The following UCHL1 variants were observed in gnomAD, a reference collection of about 807,000 sequenced individuals.
UCHL1 encodes ubiquitin carboxyl-terminal hydrolase isozyme L1.
Under a neutral mutation model 33.3 loss-of-function variants are expected in UCHL1, and 5 were observed. The observed-to-expected ratio is 0.15, with a 90% CI of 0.08 to 0.32. The LOEUF is 0.32. Among genes scored for constraint, UCHL1 ranks in the 10% least tolerant of loss-of-function variants. The pLI, the probability that UCHL1 is intolerant of heterozygous loss-of-function variation, is 1.00. For synonymous variants in UCHL1, 132 were observed against 108.8 expected (o/e 1.21, Z -1.33); for missense variants, 236 against 280.0 (o/e 0.84, Z 1.12).
Position 41,263,284 on chromosome 4 carries a change from T to C in UCHL1, c.519T>C (p.Tyr173=), listed in dbSNP as rs374340108. 2.9e-5 allele frequency: 47 copies of C among 1,613,980 alleles called. No homozygotes were observed. Among genetic ancestry groups the C allele is most frequent in the Non-Finnish European group, 3.8e-5 (45 of 1,179,960 alleles). ...TTAACAACGTGGATGGCCACCTCTA[T>C]GAACTTGGTATGTTTTACTCCATTT... The part of the protein sequence containing the change: ...ILFNNVDGHL[Y]ELDGRMPFPV... The change falls in exon 7 of 9, where the codon TAT becomes TAC. Residue 173 remains tyrosine (Y), a synonymous_variant. Transcript: ENST00000284440.
In UCHL1 at chr4:41,268,197, ACGCCTT is replaced by A. The variant is rs1348051630; in HGVS notation, c.*126_*131del. ...ACAGCTGTTCTTCTGTTCTGCAGAC[ACGCCTT>A]CCCCTCAGCCACACCCAGGCACTTA... On this transcript the variant is annotated 3_prime_UTR_variant, in exon 9 of 9. Coordinates refer to ENST00000284440, the MANE Select transcript of UCHL1 (RefSeq NM_004181.5). 5.3e-6 allele frequency: 5 copies of A among 941,928 alleles called. No individual in the cohort carries two copies. In the Admixed American group the frequency reaches 1.0e-4, roughly 19 times the overall value. 58.3% of individuals were successfully genotyped at this position (941,928 alleles called of 1,614,324 possible).
At chr4:41,267,839 TGC>T in intron 8 of UCHL1, 146 bp from the exon 9 acceptor site, 8 of 726,298 alleles carry the variant, frequency 1.1e-5, no homozygotes, top group Admixed American at 6.3e-5. Flanking sequence ...CCTGATTTTT[TGC>T]TTTAAGCCCT....
rs1425512539 is a variant in UCHL1 at position 41,260,667 on chromosome 4, G to A, written c.195G>A (p.Lys65=). Residue 65 remains lysine (K), a synonymous_variant, in exon 4 of 9, where the codon AAG becomes AAA. Transcript: ENST00000284440. ...CGCAGCATGAGAACTTCAGGAAAAA[G>A]CAGATTGAAGAGCTGAAGGGACAAG... The part of the protein sequence containing the change: ...LTAQHENFRK[K]QIEELKGQEV... 3.1e-6 allele frequency: 5 copies of A among 1,614,118 alleles called. No individual in the cohort carries two copies. The Admixed American group carries it at 5.0e-5, about 16-fold the overall frequency.
rs80031415 is a variant in UCHL1, at chr4:41,261,582, C to T, written c.326-133C>T. The T allele has an allele frequency of 1.3e-3, 1,189 of 930,746 alleles. 8 individuals carry two copies. In the African/African-American group the frequency reaches 0.017, roughly 13 times the overall value. The allele number at this position is 930,746 out of a possible 1,614,324, so 57.7% of individuals were successfully genotyped here. A position where few individuals can be genotyped will look rare whatever the true frequency, so the allele number is the denominator to read the frequency against. On this transcript the variant is annotated intron_variant, in intron 4 of 8. Coordinates refer to ENST00000284440, the MANE Select transcript of UCHL1 (RefSeq NM_004181.5). ...AAAGAGGCTAGGGGAAAAGGTACAGCTCATCCACAACCCTGGAGGCAGTAT... is the reference window on the plus strand; with the variant it reads ...AAAGAGGCTAGGGGAAAAGGTACAGTTCATCCACAACCCTGGAGGCAGTAT...
intron 8 of UCHL1, among the ~76,000 whole-genome samples, chr4:41,267,306 CG>C (rs1235171731): frequency 6.6e-6 from 1 of 152,046 alleles, no homozygotes; most frequent in African/African-American, 2.4e-5. Context: ...TGTAGTGGCG[CG>C]ATCTCGCCTC....
At chr4:41,264,995 T>C (rs1243290238) in intron 8 of UCHL1, among the ~76,000 whole-genome samples, 2 of 152,236 alleles carry the variant, frequency 1.3e-5, no homozygotes, top group Admixed American at 1.3e-4. Context: ...AGGCTTTGTA[T>C]GGCATATGGC....
intron 8 of UCHL1, chr4:41,264,523 A>C (rs1019532619): frequency 2.8e-6 from 1 of 350,896 alleles, no homozygotes; most frequent in African/African-American, 2.1e-5. Flanking sequence ...AATCCCTCTA[A>C]GACAACGGGA....
chr4:41,266,766 C>T (rs1781161248), intron 8 of UCHL1, among the ~76,000 whole-genome samples: 1 of 152,074 alleles, frequency 6.6e-6, no homozygotes, highest in African/African-American at 2.4e-5. Context: ...ACTAGAAGCG[C>T]ACACCACCAT....
intron 6 of UCHL1, 135 bp downstream of exon 6, chr4:41,262,058 CA>C: frequency 7.9e-7 from 1 of 1,270,268 alleles, no homozygotes; most frequent in Non-Finnish European, 1.1e-6. Context: ...AAGTTCTACC[CA>C]AATAATGCTT....
At chr4:41,257,070 G>T (rs1780986534) in intron 1 of UCHL1, 45 bp from the exon 2 acceptor site, 1 of 1,614,124 alleles carries the variant, frequency 6.2e-7, no homozygotes, top group Non-Finnish European at 8.5e-7. Flanking sequence ...GAGCCGAGTC[G>T]CTGATCGGTT....
chr4:41,268,091 T>G lies in UCHL1; in HGVS notation c.*18T>G, dbSNP rs974642727. On this transcript the variant is annotated 3_prime_UTR_variant, in exon 9 of 9. Coordinates refer to ENST00000284440, the MANE Select transcript of UCHL1 (RefSeq NM_004181.5). ...CAGCCTAATGCTCTGTGGGAGGGAC[T>G]TTGCTGATTTCCCCTCTTCCCTTCA... is the stretch of plus-strand genomic sequence containing the variant. 6.2e-7 allele frequency: 1 copy of G among 1,609,220 alleles called. No homozygotes were observed. Among genetic ancestry groups the G allele is most frequent in the Non-Finnish European group, 8.5e-7 (1 of 1,176,946 alleles).
intron 2 of UCHL1, chr4:41,257,335 G>C: frequency 5.2e-6 from 5 of 964,278 alleles, no homozygotes; most frequent in Non-Finnish European, 7.4e-6. Flanking sequence ...GGAGGGGGCT[G>C]CGCCCCGTGG....
chr4:41,263,075 C>A (rs1312877491), intron 6 of UCHL1, 150 bp from the exon 7 acceptor site: 3 of 681,332 alleles, frequency 4.4e-6, no homozygotes, highest in Non-Finnish European at 7.9e-6. Context: ...CCTTAGTGGG[C>A]TTAGAATAGG....
intron 8 of UCHL1, among the ~76,000 whole-genome samples, chr4:41,265,568 G>A (rs949304084): frequency 1.3e-5 from 2 of 150,458 alleles, no homozygotes; most frequent in Non-Finnish European, 3.0e-5. Flanking sequence ...AACAGAGCAA[G>A]ACTCTGTCTC....
chr4:41,262,013 C>T (rs1465979994), intron 6 of UCHL1, 90 bp downstream of exon 6: 1 of 1,537,354 alleles, frequency 6.5e-7, no homozygotes, highest in African/African-American at 1.4e-5. Context: ...TGGAACACAG[C>T]AAATGTTATC....
intron 7 of UCHL1, 120 bp from the exon 8 acceptor site, chr4:41,263,983 T>C (rs1781114237): frequency 1.5e-6 from 2 of 1,298,314 alleles, no homozygotes; most frequent in Non-Finnish European, 2.2e-6. Flanking sequence ...ATAACCAGGC[T>C]TCCTTCTGTG....
At chr4:41,257,476 C>G in intron 2 of UCHL1, 133 bp from the exon 3 acceptor site, 1 of 1,219,062 alleles carries the variant, frequency 8.2e-7, no homozygotes, top group Non-Finnish European at 1.1e-6. Flanking sequence ...GTGGGGGTGG[C>G]AGGGCGGGAC....
Position 41,264,152 on chromosome 4 carries a change from C to G in UCHL1, c.576C>G (p.Thr192=), listed in dbSNP as rs776936367. Residue 192 remains threonine, a synonymous_variant, in exon 8 of 9, where the codon ACC becomes ACG. Coordinates refer to ENST00000284440, the MANE Select transcript of UCHL1 (RefSeq NM_004181.5). ...ACCATGGCGCCAGTTCAGAGGACAC[C>G]CTGCTGAAGGTCATCTTTGGAATGC... ...PVNHGASSED[T]LLKDAAKVCR... 3 of 1,614,142 alleles carry G rather than the reference C, an allele frequency of 1.9e-6. No individual in the cohort carries two copies. The highest frequency in any genetic ancestry group is 2.2e-5 in the South Asian group (2 of 91,080).
In UCHL1 at chr4:41,263,262, A is replaced by G. The variant is rs1380300432; in HGVS notation, c.497A>G (p.Asn166Ser). ...GTGAATTTCCATTTTATTCTGTTTA[A>G]CAACGTGGATGGCCACCTCTATGAA... The part of the protein sequence containing the change: ...DKVNFHFILF[N>S]NVDGHLYELD... The change falls in exon 7 of 9, where the codon AAC becomes AGC. Residue 166 changes from asparagine to serine, a missense_variant. Coordinates refer to ENST00000284440, the MANE Select transcript of UCHL1 (RefSeq NM_004181.5). 6.2e-7 allele frequency: 1 copy of G among 1,614,152 alleles called. No homozygotes were observed. The highest frequency in any genetic ancestry group is 1.1e-5 in the South Asian group (1 of 91,082).
Sources: allele counts gnomAD v4.1 joint callset (sites outside exome capture counted in the v4.1 genomes callset), GRCh38; gene constraint gnomAD v4.1.1; transcripts MANE v1.5; gene names NCBI Gene and HGNC (gene_info 2026-07-23, HGNC 2026-07-21).